The following ZKSCAN7 variants were observed in gnomAD, a reference collection of about 807,000 sequenced individuals.
ZKSCAN7 encodes the protein zinc finger protein with KRAB and SCAN domains 7.
ZKSCAN7 carries 38 observed loss-of-function variants against 65.3 expected under a neutral mutation model. That is an observed-to-expected ratio of 0.58 (90% CI 0.45 to 0.76). ZKSCAN7 has a LOEUF of 0.76. Among genes scored for constraint, ZKSCAN7 ranks in the 30% least tolerant of loss-of-function variants. ZKSCAN7 has a pLI of 0.00. For synonymous variants in ZKSCAN7, 321 were observed against 321.0 expected (o/e 1.00, Z 0.00); for missense variants, 815 against 913.3 (o/e 0.89, Z 1.39).
Position 44,570,904 on chromosome 3 carries a change from G to A in ZKSCAN7, c.1794G>A (p.Glu598=), listed in dbSNP as rs779554345. The part of the protein sequence containing the change: ...FNQNSQLIEH[E]RIHTGEKPFE... ...AGAACTCTCAACTCATTGAGCATGAGCGAATTCATACTGGAGAAAAACCTT... is the reference window on the plus strand; with the variant it reads ...AGAACTCTCAACTCATTGAGCATGAACGAATTCATACTGGAGAAAAACCTT... Residue 598 remains glutamate (E), a synonymous_variant, in exon 6 of 6, where the codon GAG becomes GAA. Transcript: ENST00000426540. The A allele has an allele frequency of 4.0e-5, 64 of 1,614,098 alleles. No individual in the cohort carries two copies. The highest frequency in any genetic ancestry group is 5.3e-5 in the Non-Finnish European group (62 of 1,180,040).
rs986371530 is a variant in ZKSCAN7 at position 44,569,257 on chromosome 3, C to A, written c.812-665C>A. Among the ~76,000 whole-genome samples, 5 of 152,354 alleles carry A rather than the reference C, an allele frequency of 3.3e-5. No homozygotes were observed. The South Asian group carries it at 1.0e-3, about 32-fold the overall frequency. On this transcript the variant is annotated intron_variant, in intron 5 of 5. Coordinates refer to ENST00000426540, the MANE Select transcript of ZKSCAN7 (RefSeq NM_001288590.2). ...TGGGATGCTCAGGGTCACTTGGCAC[C>A]AAGCATGGTTGCCTAAGCATCCCTC...
rs1700026751 is a variant in ZKSCAN7, at chr3:44,579,973, C to CT, written c.812-2997dup. 10 of 1,466,154 alleles carry CT rather than the reference C, an allele frequency of 6.8e-6. No homozygotes were observed. In the East Asian group the frequency reaches 1.9e-4, roughly 27 times the overall value. 90.8% of individuals were successfully genotyped at this position (1,466,154 alleles called of 1,614,324 possible). ...GAAGCCGAGGCGTCTGGGAGAGGAG[C>CT]TTGGGGGGGGGCTTCATTGGTGAAG... On this transcript the variant is annotated intron_variant, in intron 5 of 5. Transcript: ENST00000341840.
chr3:44,571,965 G>C lies in ZKSCAN7; in HGVS notation c.*590G>C. 9 of 986,388 alleles carry C rather than the reference G, an allele frequency of 9.1e-6. No individual in the cohort carries two copies. The highest frequency in any genetic ancestry group is 1.1e-5 in the Non-Finnish European group (9 of 830,628). 61.1% of individuals were successfully genotyped at this position (986,388 alleles called of 1,614,324 possible). A position where few individuals can be genotyped will look rare whatever the true frequency, so the allele number is the denominator to read the frequency against. On this transcript the variant is annotated 3_prime_UTR_variant, in exon 6 of 6. Transcript: ENST00000426540. ...TTTTTATTTTTCTTCAACTTCTCTT[G>C]ATTTGACCTCAGTGCTTTGAATTCA...
At position 44,557,453 on chromosome 3, in the gene ZKSCAN7, C is replaced by G. The variant is rs1246292010; in HGVS notation, c.406C>G (p.Leu136Val). ...TGTGGTGGAGGATTTCCAGAGACAC[C>G]TCAGTGGATCAGAGGAGGTGAGCAG... The part of the protein sequence containing the change: ...VAVVEDFQRH[L>V]SGSEEVSAPA... Residue 136 changes from leucine (L) to valine (V), a missense_variant, in exon 2 of 6, where the codon CTC becomes GTC. This residue lies in a region of ZKSCAN7 where 227 missense variants were observed against 253.3 expected (regional missense o/e 0.90). Coordinates refer to ENST00000426540, the MANE Select transcript of ZKSCAN7 (RefSeq NM_001288590.2). 2 of 1,614,150 alleles carry G rather than the reference C, an allele frequency of 1.2e-6. No homozygotes were observed. The highest frequency in any genetic ancestry group is 1.1e-5 in the South Asian group (1 of 91,080).
intron 2 of ZKSCAN7, among the ~76,000 whole-genome samples, chr3:44,565,223 G>T (rs545933172): frequency 2.6e-5 from 4 of 152,302 alleles, no homozygotes; most frequent in African/African-American, 9.6e-5. Context: ...CTGAAGACCT[G>T]ACACAGAGTG....
rs559943905 is a variant in ZKSCAN7, at chr3:44,578,398, C to T, written c.812-4574C>T. On this transcript the variant is annotated intron_variant, in intron 5 of 5. Transcript: ENST00000341840. ...CCTCCCCACCGCCGTCCCCAGTCAG[C>T]AGCGTCCGCAACCGTGTGATCTCTG... The T allele has an allele frequency of 3.7e-6, 6 of 1,613,954 alleles. No homozygotes were observed. The East Asian group carries it at 1.3e-4, about 36-fold the overall frequency.
Position 44,571,489 on chromosome 3 carries a change from G to A in ZKSCAN7, c.*114G>A. On this transcript the variant is annotated 3_prime_UTR_variant, in exon 6 of 6. Transcript: ENST00000426540. ...AGTCACGGTGGACCATTCCCTACTT[G>A]CTTTTCCTTGGATCACTAAGGTGGG... 2 of 1,587,914 alleles carry A rather than the reference G, an allele frequency of 1.3e-6. No individual in the cohort carries two copies. Among genetic ancestry groups the A allele is most frequent in the Non-Finnish European group, 1.7e-6 (2 of 1,172,270 alleles).
chr3:44,576,925 C>T (rs1699933502), downstream of ZKSCAN7, among the ~76,000 whole-genome samples: 1 of 152,046 alleles, frequency 6.6e-6, no homozygotes, highest in African/African-American at 2.4e-5. Flanking sequence ...TGTGGAAAAC[C>T]CTTCAGTCAC....
At chr3:44,569,747 C>T (rs1338982287) in intron 5 of ZKSCAN7, among the ~76,000 whole-genome samples, 175 bp from the exon 6 acceptor site, 1 of 152,050 alleles carries the variant, frequency 6.6e-6, no homozygotes, top group African/African-American at 2.4e-5. Flanking sequence ...TTTTCCTGTC[C>T]CTAGGGAAAA....
At chr3:44,564,097 A>G (rs1699560705) in intron 2 of ZKSCAN7, among the ~76,000 whole-genome samples, 1 of 152,240 alleles carries the variant, frequency 6.6e-6, no homozygotes, top group Non-Finnish European at 1.5e-5. Flanking sequence ...TGTACATACC[A>G]GAGCAAGTGA....
intron 3 of ZKSCAN7, 24 bp downstream of exon 3, chr3:44,565,679 C>T (rs753797878): frequency 1.3e-6 from 2 of 1,552,326 alleles, no homozygotes; most frequent in Non-Finnish European, 1.7e-6. Flanking sequence ...CAGCTTTGGC[C>T]TTAAGTCATG....
intron 5 of ZKSCAN7, among the ~76,000 whole-genome samples, chr3:44,578,701 G>A (rs1699983284): frequency 6.6e-6 from 1 of 152,200 alleles, no homozygotes. Flanking sequence ...CCTCCCGGTG[G>A]GCGTTCTTCA....
In ZKSCAN7 at chr3:44,564,208, A is replaced by G. The variant is rs568917927; in HGVS notation, c.424-1279A>G. ...ATTGTGAGGAGCTGGTTTGATGACAATAAGCAAGGGTTAGAAATAAAATGT... is the reference window on the plus strand; with the variant it reads ...ATTGTGAGGAGCTGGTTTGATGACAGTAAGCAAGGGTTAGAAATAAAATGT... On this transcript the variant is annotated intron_variant, in intron 2 of 5. Coordinates refer to ENST00000426540, the MANE Select transcript of ZKSCAN7 (RefSeq NM_001288590.2). Among the ~76,000 whole-genome samples the G allele has an allele frequency of 1.8e-3, 267 of 152,362 alleles. 1 individual carries two copies. Among genetic ancestry groups the G allele is most frequent in the Non-Finnish European group, 3.3e-3 (222 of 68,028 alleles).
At chr3:44,578,745 C>T (rs1189798918) in intron 5 of ZKSCAN7, among the ~76,000 whole-genome samples, 2 of 152,218 alleles carry the variant, frequency 1.3e-5, no homozygotes, top group African/African-American at 2.4e-5. Context: ...GCCGCTGTCT[C>T]CTCGGCTAGG....
rs765888405 is a variant in ZKSCAN7 at position 44,570,990 on chromosome 3, G to A, written c.1880G>A (p.Arg627Lys). 1.9e-6 allele frequency: 3 copies of A among 1,614,194 alleles called. 1 individual carries two copies. The South Asian group carries it at 3.3e-5, about 18-fold the overall frequency. The stretch of plus-strand genomic sequence containing the variant: ...AGTAAATGTCTTATTCGGCACCAGA[G>A]ACTTCACACGGGTGAAAAGCCCTAT... ...GLSKCLIRHQ[R>K]LHTGEKPYKC... Residue 627 changes from arginine (R) to lysine (K), a missense_variant, in exon 6 of 6, where the codon AGA becomes AAA. Physicochemically the swap from Arg to Lys is conservative, Grantham distance 26 (BLOSUM62 2). Transcript: ENST00000426540.
At chr3:44,583,461 T>C (rs1200376712) in exon 6 of ZKSCAN7, 1 of 152,284 alleles carries the variant, frequency 6.6e-6, no homozygotes, top group Non-Finnish European at 1.5e-5. Flanking sequence ...TGAATATTTG[T>C]CAATTGACGA....
In ZKSCAN7 at chr3:44,580,632, G is replaced by A. The variant is rs564595862; in HGVS notation, c.812-2340G>A. 8.1e-5 allele frequency: 131 copies of A among 1,613,848 alleles called. No individual in the cohort carries two copies. The African/African-American group carries it at 1.3e-3, about 16-fold the overall frequency. On this transcript the variant is annotated intron_variant, in intron 5 of 5. Coordinates refer to the ZKSCAN7 transcript ENST00000341840. ...CCCACTGACGATCTCCTTGGTCTCC[G>A]CCCGGATGAAATGCTCCTTCTCAGG... is the stretch of plus-strand genomic sequence containing the variant.
Position 44,557,063 on chromosome 3 carries a change from A to C in ZKSCAN7, c.16A>C (p.Arg6=). 6.2e-7 allele frequency: 1 copy of C among 1,614,244 alleles called. No homozygotes were observed. MTTAG[R]GNLGLIPRST... ...TGGGGTCACAATGACCACTGCAGGC[A>C]GGGGAAATTTAGGCCTCATCCCCAG... Residue 6 remains arginine (R), a synonymous_variant, in exon 2 of 6, where the codon AGG becomes CGG. Coordinates refer to ENST00000426540, the MANE Select transcript of ZKSCAN7 (RefSeq NM_001288590.2).
rs1195335725 is a variant in ZKSCAN7 at position 44,571,172 on chromosome 3, G to A, written c.2062G>A (p.Glu688Lys). The A allele has an allele frequency of 6.2e-7, 1 of 1,614,052 alleles. No individual in the cohort carries two copies. The highest frequency in any genetic ancestry group is 1.3e-5 in the African/African-American group (1 of 74,896). Residue 688 changes from glutamate (E) to lysine (K), a missense_variant, in exon 6 of 6, where the codon GAA becomes AAA. This residue lies in a region of ZKSCAN7 where 578 missense variants were observed against 629.5 expected (regional missense o/e 0.92). Coordinates refer to ENST00000426540, the MANE Select transcript of ZKSCAN7 (RefSeq NM_001288590.2). ...LMVHQRTHTGEKPYKCNDCGK... is the reference protein window; with the variant it reads ...LMVHQRTHTGKKPYKCNDCGK... ...GGTACATCAGAGAACCCATACTGGGGAAAAACCCTATAAATGCAATGATTG... is the reference window on the plus strand; with the variant it reads ...GGTACATCAGAGAACCCATACTGGGAAAAAACCCTATAAATGCAATGATTG...
Sources: gnomAD v4.1 joint callset for allele counts (sites outside exome capture counted in the v4.1 genomes callset) on GRCh38, gnomAD v4.1.1 for gene constraint, gnomAD v4.1.1 regional missense constraint, MANE v1.5 for transcripts, NCBI Gene and HGNC (gene_info 2026-07-23, HGNC 2026-07-21) for gene names.